RGPD2: variants seen among roughly 807,000 people sequenced by gnomAD.
RGPD2 encodes RANBP2-like and GRIP domain-containing protein 2.
RGPD2 carries 2 observed loss-of-function variants against 36.0 expected under a neutral mutation model. The observed-to-expected ratio is 0.06, with a 90% confidence interval of 0.02 to 0.17. The LOEUF is 0.17. Among genes scored for constraint, RGPD2 ranks in the 10% least tolerant of loss-of-function variants. RGPD2 has a pLI of 1.00. For synonymous variants in RGPD2, 19 were observed against 163.8 expected, an observed-to-expected ratio of 0.12 and a Z score of 6.75; for missense variants, 40 against 464.3, an observed-to-expected ratio of 0.09 and a Z score of 8.40.
In RGPD2 at chr2:87,825,508, C is replaced by T. The variant is rs1349925411; in HGVS notation, c.72+150G>A. 53 of 264,188 alleles carry T rather than the reference C, an allele frequency of 2.0e-4. 1 individual carries two copies. Among genetic ancestry groups the T allele is most frequent in the African/African-American group, 1.6e-3 (34 of 20,918 alleles). The allele number at this position is 264,188 out of a possible 1,614,324, so 16.4% of individuals were successfully genotyped here. On this transcript the variant is annotated intron_variant, in intron 1 of 22. Transcript: ENST00000398146. ...CGCCGCCGCCCGGCCGAGGCCGAGG[C>T]CGAGGCCGCCGCCCGGCCGAGGCCG... is the stretch of plus-strand genomic sequence containing the variant.
At chr2:87,827,281 C>T (rs1306039852), upstream of RGPD2, among the ~76,000 whole-genome samples, 2 of 152,200 alleles carry the variant, frequency 1.3e-5, no homozygotes, top group Admixed American at 6.5e-5. Context: ...TTATGGTTAG[C>T]AAAAAAATAG....
the RGPD2 span, among the ~76,000 whole-genome samples, chr2:87,880,168 A>G: frequency 6.7e-6 from 1 of 148,596 alleles, no homozygotes; most frequent in Non-Finnish European, 1.5e-5. Context: ...TATTTGTTTT[A>G]TTGTTACTAA....
chr2:87,905,125 G>C, the RGPD2 span, among the ~76,000 whole-genome samples: 2 of 152,050 alleles, frequency 1.3e-5, no homozygotes, highest in Non-Finnish European at 2.9e-5. Flanking sequence ...AAAATACAGA[G>C]ATCTCACAGT....
At chr2:87,846,207 CA>C in the RGPD2 span, among the ~76,000 whole-genome samples, 1 of 151,680 alleles carries the variant, frequency 6.6e-6, no homozygotes, top group Admixed American at 6.6e-5. Context: ...CCATACAATT[CA>C]CTTATTTAAG....
chr2:87,971,870 T>C, the RGPD2 span, among the ~76,000 whole-genome samples: 1 of 152,126 alleles, frequency 6.6e-6, no homozygotes, highest in Non-Finnish European at 1.5e-5. Context: ...AATAATCTGC[T>C]GAAATCATTA....
chr2:87,972,173 G>A, the RGPD2 span, among the ~76,000 whole-genome samples: 1 of 151,952 alleles, frequency 6.6e-6, no homozygotes, highest in African/African-American at 2.4e-5. Flanking sequence ...AAAAAGGAAA[G>A]GTACAAAACA....
At chr2:87,827,043 G>A (rs1686829562), upstream of RGPD2, among the ~76,000 whole-genome samples, 1 of 149,282 alleles carries the variant, frequency 6.7e-6, no homozygotes, top group African/African-American at 2.5e-5. Context: ...CTACTAGAAT[G>A]CCAAACTCAG....
At chr2:87,872,775 TC>T in the RGPD2 span, among the ~76,000 whole-genome samples, 1 of 151,454 alleles carries the variant, frequency 6.6e-6, no homozygotes, top group African/African-American at 2.5e-5. Context: ...TATTATTTTT[TC>T]CGAGGCAGGG....
the RGPD2 span, among the ~76,000 whole-genome samples, chr2:87,836,201 G>GA: frequency 7.1e-6 from 1 of 140,606 alleles, no homozygotes. Context: ...CAAAGAAAAA[G>GA]AAAAAATATT....
the RGPD2 span, among the ~76,000 whole-genome samples, chr2:87,966,446 G>T: frequency 1.0e-4 from 15 of 147,862 alleles, no homozygotes; most frequent in African/African-American, 3.7e-4. Context: ...TTAAAACTCT[G>T]CCAGGTTCCC....
chr2:87,769,902 TAAC>T (rs1429518535), intron 22 of RGPD2, among the ~76,000 whole-genome samples: 7 of 152,258 alleles, frequency 4.6e-5, no homozygotes, highest in African/African-American at 1.7e-4. Flanking sequence ...GTAATTTGAA[TAAC>T]TACTAAAAAT....
the RGPD2 span, among the ~76,000 whole-genome samples, chr2:87,905,207 C>A: frequency 3.4e-4 from 52 of 152,336 alleles, no homozygotes; most frequent in African/African-American, 1.2e-3. Context: ...GTAAGAGGTG[C>A]AGCCGCATTT....
At chr2:87,923,436 A>G in the RGPD2 span, among the ~76,000 whole-genome samples, 32 of 152,378 alleles carry the variant, frequency 2.1e-4, no homozygotes, top group South Asian at 3.9e-3. Context: ...TCGGCCTCCT[A>G]TCATATTTTT....
chr2:87,882,155 T>C, the RGPD2 span, among the ~76,000 whole-genome samples: 2 of 152,252 alleles, frequency 1.3e-5, no homozygotes, highest in Admixed American at 1.3e-4. Context: ...ACATGAGATT[T>C]GGAGAGGACA....
At chr2:87,876,715 A>G in the RGPD2 span, among the ~76,000 whole-genome samples, 1 of 152,234 alleles carries the variant, frequency 6.6e-6, no homozygotes, top group Non-Finnish European at 1.5e-5. Context: ...TTCTTTAGGT[A>G]TCTACCAGGT....
the RGPD2 span, among the ~76,000 whole-genome samples, chr2:87,882,667 A>G: frequency 6.6e-6 from 1 of 152,222 alleles, no homozygotes; most frequent in African/African-American, 2.4e-5. Context: ...CATTGAATTT[A>G]TAGATCAATT....
At chr2:87,973,850 G>A in the RGPD2 span, among the ~76,000 whole-genome samples, 1 of 148,910 alleles carries the variant, frequency 6.7e-6, no homozygotes, top group African/African-American at 2.4e-5. Context: ...CAGGGTTGTT[G>A]TGAGGATTAA....
chr2:87,828,853 ATGTC>A, upstream of RGPD2, among the ~76,000 whole-genome samples: 1 of 61,326 alleles, frequency 1.6e-5, no homozygotes. Flanking sequence ...AGAATCATGA[ATGTC>A]AGAAAAAAAA....
At chr2:87,943,899 C>G in the RGPD2 span, among the ~76,000 whole-genome samples, 1 of 152,004 alleles carries the variant, frequency 6.6e-6, no homozygotes, top group Non-Finnish European at 1.5e-5. Flanking sequence ...AATCTTGAAG[C>G]CTCCTCCAAA....
Sources: gnomAD v4.1 joint callset for allele counts (sites outside exome capture counted in the v4.1 genomes callset) on GRCh38, gnomAD v4.1.1 for gene constraint, MANE v1.5 for transcripts, NCBI Gene and HGNC (gene_info 2026-07-23, HGNC 2026-07-21) for gene names.